Variants in BRINP1 observed in about 807,000 individuals in gnomAD.
BRINP1 encodes BMP/retinoic acid-inducible neural-specific protein 1.
BRINP1 carries 17 observed loss-of-function variants against 72.9 expected under a neutral mutation model. The ratio of observed to expected loss-of-function variants is 0.23; its 90% CI spans 0.16 to 0.35. The LOEUF (loss-of-function observed/expected upper bound fraction) is 0.35, where lower values mean the gene tolerates loss of function less well. Among genes scored for constraint, BRINP1 ranks in the 10% least tolerant of loss-of-function variants. The pLI is 1.00. For missense variants in BRINP1, 850 were observed against 1,001.6 expected (o/e 0.85, Z 2.04); for synonymous variants, 418 against 378.5 (o/e 1.10, Z -1.21).
rs147770540 is a variant in BRINP1, at chr9:119,279,603, G to A, written c.219-30453C>T. Among the ~76,000 whole-genome samples the A allele has an allele frequency of 2.0e-3, 303 of 152,264 alleles. 1 individual carries two copies. The highest frequency in any genetic ancestry group is 6.9e-3 in the African/African-American group (287 of 41,560). ...ACCCTTCAGAGGTAGCCAAAGCCTC[G>A]TTCACATTAATTGTGTAGAAAAAGG... is the stretch of plus-strand genomic sequence containing the variant. On this transcript the variant is annotated intron_variant, in intron 2 of 7. Coordinates refer to ENST00000265922, the MANE Select transcript of BRINP1 (RefSeq NM_014618.3).
chr9:119,258,813 C>T (rs1830470063), intron 2 of BRINP1, among the ~76,000 whole-genome samples: 1 of 152,150 alleles, frequency 6.6e-6, no homozygotes. Flanking sequence ...TCCCAACAAC[C>T]TGGAAGATAG....
intron 6 of BRINP1, among the ~76,000 whole-genome samples, chr9:119,212,289 A>G (rs146372585): frequency 1.3e-5 from 2 of 152,218 alleles, no homozygotes; most frequent in Non-Finnish European, 2.9e-5. Context: ...TTCAAATGCT[A>G]TTCCATAGAA....
chr9:119,241,909 A>G (rs759208680), intron 4 of BRINP1, 138 bp downstream of exon 4: 1 of 868,884 alleles, frequency 1.2e-6, no homozygotes, highest in Non-Finnish European at 1.8e-6. Context: ...AATATCAGTC[A>G]AAGCAGCTGG....
chr9:119,325,770 TATTG>T (rs973412969), intron 1 of BRINP1, among the ~76,000 whole-genome samples: 7 of 152,200 alleles, frequency 4.6e-5, no homozygotes, highest in African/African-American at 1.7e-4. Context: ...AGCCATTCCC[TATTG>T]ATTGTTTTAC....
intron 6 of BRINP1, among the ~76,000 whole-genome samples, chr9:119,209,558 C>A (rs1829899106): frequency 6.6e-6 from 1 of 151,358 alleles, no homozygotes; most frequent in Non-Finnish European, 1.5e-5. Context: ...CAGAGCAAGA[C>A]TCTGTCTCAA....
intron 7 of BRINP1, among the ~76,000 whole-genome samples, chr9:119,178,412 C>T (rs1013008854): frequency 1.3e-5 from 2 of 152,144 alleles, no homozygotes; most frequent in Admixed American, 1.3e-4. Context: ...CCACAAAAAG[C>T]TCATTTCATT....
intron 7 of BRINP1, among the ~76,000 whole-genome samples, chr9:119,172,654 C>T (rs1588153391): frequency 6.6e-6 from 1 of 151,244 alleles, no homozygotes; most frequent in African/African-American, 2.4e-5. Flanking sequence ...ATTCTGATAC[C>T]AAAGCCAGGC....
chr9:119,278,186 TG>T (rs1830674695), intron 2 of BRINP1, among the ~76,000 whole-genome samples: 1 of 152,186 alleles, frequency 6.6e-6, no homozygotes, highest in South Asian at 2.1e-4. Flanking sequence ...TTGCACTGGA[TG>T]ATCTCTCAGG....
At chr9:119,358,381 A>T in intron 1 of BRINP1, among the ~76,000 whole-genome samples, 1 of 121,288 alleles carries the variant, frequency 8.2e-6, no homozygotes, top group Admixed American at 9.9e-5. Context: ...AAGAGTTTAT[A>T]TGTATTAAAA....
intron 3 of BRINP1, among the ~76,000 whole-genome samples, chr9:119,247,071 A>G (rs915161058): frequency 6.6e-6 from 1 of 152,244 alleles, no homozygotes; most frequent in African/African-American, 2.4e-5. Flanking sequence ...CCAGGAACTC[A>G]GACAAGAGCA....
intron 1 of BRINP1, among the ~76,000 whole-genome samples, chr9:119,320,542 G>A (rs969550767): frequency 6.6e-6 from 1 of 152,094 alleles, no homozygotes; most frequent in Admixed American, 6.5e-5. Context: ...GAAGTGCTCC[G>A]AACAAAATCA....
intron 3 of BRINP1, among the ~76,000 whole-genome samples, chr9:119,246,799 T>C (rs1421112479): frequency 1.3e-5 from 2 of 152,220 alleles, no homozygotes; most frequent in African/African-American, 4.8e-5. Context: ...AGAAGAGCTT[T>C]GCATCATTTA....
intron 7 of BRINP1, among the ~76,000 whole-genome samples, chr9:119,188,518 C>G (rs1368064484): frequency 6.6e-6 from 1 of 152,136 alleles, no homozygotes; most frequent in Non-Finnish European, 1.5e-5. Flanking sequence ...ATCTCAAAGA[C>G]TGTGGAGGCT....
intron 1 of BRINP1, among the ~76,000 whole-genome samples, chr9:119,321,426 T>G (rs1004810980): frequency 2.2e-4 from 34 of 152,234 alleles, no homozygotes; most frequent in African/African-American, 7.7e-4. Context: ...GTGCTATTCA[T>G]AAAAATACAC....
chr9:119,205,523 C>A (rs954458222), intron 7 of BRINP1, among the ~76,000 whole-genome samples: 4 of 152,142 alleles, frequency 2.6e-5, no homozygotes, highest in African/African-American at 9.7e-5. Context: ...CTGCACTGAG[C>A]ATGGTGAAGT....
At chr9:119,272,553 A>G (rs948729112) in intron 2 of BRINP1, among the ~76,000 whole-genome samples, 2 of 152,204 alleles carry the variant, frequency 1.3e-5, no homozygotes, top group Non-Finnish European at 2.9e-5. Context: ...GCACCAATTG[A>G]AAGTCCTAAC....
chr9:119,325,532 T>C (rs1831230785), intron 1 of BRINP1, among the ~76,000 whole-genome samples: 1 of 152,200 alleles, frequency 6.6e-6, no homozygotes, highest in South Asian at 2.1e-4. Context: ...AGAGCAATCT[T>C]ACACTCTTCC....
chr9:119,233,460 G>A (rs1201417909), intron 5 of BRINP1, among the ~76,000 whole-genome samples: 1 of 152,038 alleles, frequency 6.6e-6, no homozygotes, highest in Non-Finnish European at 1.5e-5. Flanking sequence ...GGCATATGAG[G>A]AAGCACTGAA....
intron 7 of BRINP1, among the ~76,000 whole-genome samples, chr9:119,184,477 C>G (rs141483758): frequency 3.3e-5 from 5 of 152,174 alleles, no homozygotes; most frequent in Admixed American, 6.5e-5. Flanking sequence ...CCTGAGCTAG[C>G]CTGACTTCAC....
Sources: gnomAD v4.1 joint callset for allele counts (sites outside exome capture counted in the v4.1 genomes callset) on GRCh38, gnomAD v4.1.1 for gene constraint, MANE v1.5 for transcripts, NCBI Gene and HGNC (gene_info 2026-07-23, HGNC 2026-07-21) for gene names.